CAMK2G: variants seen among roughly 807,000 people sequenced by gnomAD.
The protein encoded by CAMK2G is calcium/calmodulin-dependent protein kinase type II subunit gamma.
CAMK2G carries 23 observed loss-of-function variants against 88.7 expected under a neutral mutation model. That is an observed-to-expected ratio of 0.26 (90% CI 0.19 to 0.37). The LOEUF is 0.37. Ranked by LOEUF, CAMK2G falls within the 10% of genes least tolerant of loss-of-function variation. CAMK2G has a pLI of 1.00. For synonymous variants in CAMK2G, 263 were observed against 294.8 expected, an observed-to-expected ratio of 0.89 and a Z score of 1.11; for missense variants, 476 against 780.8, an observed-to-expected ratio of 0.61 and a Z score of 4.65.
In CAMK2G at chr10:73,848,258, C is replaced by T. The variant is rs1236056409; in HGVS notation, c.602-176G>A. Among the ~76,000 whole-genome samples, 2 of 152,206 alleles carry T rather than the reference C, an allele frequency of 1.3e-5. No individual in the cohort carries two copies. Among genetic ancestry groups the T allele is most frequent in the African/African-American group, 4.8e-5 (2 of 41,450 alleles). The stretch of plus-strand genomic sequence containing the variant: ...CCCTCCTGCTATGCCTCACACTTCA[C>T]GTCACCAAGTCACACCAGGGATTTC... On this transcript the variant is annotated intron_variant, in intron 8 of 22. Coordinates refer to ENST00000423381, the MANE Select transcript of CAMK2G (RefSeq NM_001367534.1). This position sits in a 1 kb window ranked among gnomAD's most constrained non-coding sequence, Gnocchi z 4.5.
intron 1 of CAMK2G, among the ~76,000 whole-genome samples, chr10:73,873,683 C>T (rs1028543862): frequency 2.1e-5 from 3 of 144,898 alleles, no homozygotes; most frequent in African/African-American, 2.6e-5. Context: ...CCTTGACGTC[C>T]CCGTCAAACG....
intron 19 of CAMK2G, chr10:73,817,779 T>C: frequency 1.8e-6 from 1 of 567,444 alleles, no homozygotes; most frequent in Non-Finnish European, 3.2e-6. Context: ...CAGCCATTAG[T>C]TATGGTTCTT....
At chr10:73,855,546 C>CA (rs1231617642) in intron 3 of CAMK2G, among the ~76,000 whole-genome samples, 1 of 152,074 alleles carries the variant, frequency 6.6e-6, no homozygotes, top group Non-Finnish European at 1.5e-5. Flanking sequence ...CCATGCCCCA[C>CA]ACCACCCTGC....
intron 12 of CAMK2G, among the ~76,000 whole-genome samples, chr10:73,840,769 A>C (rs1196377685): frequency 6.6e-6 from 1 of 152,214 alleles, no homozygotes; most frequent in Non-Finnish European, 1.5e-5. Context: ...CATTTCTTCA[A>C]CTCAGAGGGG....
intron 2 of CAMK2G, among the ~76,000 whole-genome samples, chr10:73,871,742 G>A (rs151225552): frequency 8.8e-4 from 134 of 152,084 alleles, no homozygotes; most frequent in Non-Finnish European, 1.7e-3. Flanking sequence ...CAATGTACAC[G>A]AACAGCAAGA....
chr10:73,815,367 C>CCG (rs2085051274), intron 21 of CAMK2G, 120 bp from the exon 22 acceptor site: 5 of 672,516 alleles, frequency 7.4e-6, no homozygotes, highest in Middle Eastern at 3.2e-4. Context: ...TCTCCAAGTA[C>CCG]CGCCCCCCCC....
chr10:73,816,325 A>C, intron 21 of CAMK2G: 1 of 993,408 alleles, frequency 1.0e-6, no homozygotes. Flanking sequence ...TGGTTTGCAC[A>C]TTCTTATCCT....
chr10:73,819,657 G>T lies in CAMK2G; in HGVS notation c.1250-12C>A. On this transcript the variant is annotated splice_polypyrimidine_tract_variant and intron_variant, in intron 18 of 22. Transcript: ENST00000423381. ...GCGGAGCGGGGCAGCTAGCCAGCCA[G>T]GGCAGGGCAGGGCAGGGCAAGGCAG... 1 of 1,442,448 alleles carries T rather than the reference G, an allele frequency of 6.9e-7. No individual in the cohort carries two copies. Among genetic ancestry groups the T allele is most frequent in the Non-Finnish European group, 9.4e-7 (1 of 1,065,020 alleles). 89.4% of individuals were successfully genotyped at this position (1,442,448 alleles called of 1,614,324 possible).
chr10:73,816,523 T>C lies in CAMK2G; in HGVS notation c.1534+500A>G, dbSNP rs903418052. On this transcript the variant is annotated intron_variant, in intron 21 of 22. Transcript: ENST00000423381. ...TTGCCCAGGCTGGAGTGCAGTGGCCTGATCTTGGCTCACTGCAAGCTCTGC... is the reference window on the plus strand; with the variant it reads ...TTGCCCAGGCTGGAGTGCAGTGGCCCGATCTTGGCTCACTGCAAGCTCTGC... 4 of 845,576 alleles carry C rather than the reference T, an allele frequency of 4.7e-6. No individual in the cohort carries two copies. The African/African-American group carries it at 7.2e-5, about 15-fold the overall frequency. The allele number at this position is 845,576 out of a possible 1,614,324, so 52.4% of individuals were successfully genotyped here.
intron 2 of CAMK2G, among the ~76,000 whole-genome samples, chr10:73,865,758 G>A (rs925071573): frequency 6.6e-6 from 1 of 152,140 alleles, no homozygotes; most frequent in Non-Finnish European, 1.5e-5. Context: ...CTGCAAAGGT[G>A]TCTCCCCTTG....
At chr10:73,856,140 G>A (rs985709385) in intron 3 of CAMK2G, among the ~76,000 whole-genome samples, 1 of 152,106 alleles carries the variant, frequency 6.6e-6, no homozygotes, top group Non-Finnish European at 1.5e-5. Context: ...TGCCGGCATC[G>A]TTCCATGGGC....
At chr10:73,866,465 T>TA (rs34839580) in intron 2 of CAMK2G, among the ~76,000 whole-genome samples, 208 of 146,790 alleles carry the variant, frequency 1.4e-3, no homozygotes, top group South Asian at 9.5e-3. Flanking sequence ...GACATTTTCC[T>TA]AAAAAAAAAA....
intron 15 of CAMK2G, 85 bp from the exon 16 acceptor site, chr10:73,825,432 G>T: frequency 9.5e-7 from 1 of 1,051,832 alleles, no homozygotes; most frequent in Non-Finnish European, 1.5e-6. Flanking sequence ...TTGCCCCCTG[G>T]TCTGGCCTGG....
At chr10:73,825,471 A>C in intron 15 of CAMK2G, 124 bp from the exon 16 acceptor site, 1 of 732,618 alleles carries the variant, frequency 1.4e-6, no homozygotes, top group Non-Finnish European at 2.5e-6. Context: ...GGCCTCCATA[A>C]CGCTGTGTAG....
At chr10:73,816,714 C>T (rs954817388) in intron 21 of CAMK2G, 3 of 1,252,940 alleles carry the variant, frequency 2.4e-6, no homozygotes, top group African/African-American at 3.0e-5. Context: ...CAGCCTCAGC[C>T]TCCCAAAGTG....
chr10:73,871,145 C>T (rs527264965), intron 2 of CAMK2G, among the ~76,000 whole-genome samples: 52 of 151,076 alleles, frequency 3.4e-4, no homozygotes, highest in Non-Finnish European at 5.4e-4. Context: ...TACTTTTACA[C>T]AAGAATCCTC....
chr10:73,854,802 C>T (rs2094904805), intron 3 of CAMK2G, among the ~76,000 whole-genome samples: 1 of 152,142 alleles, frequency 6.6e-6, no homozygotes, highest in African/African-American at 2.4e-5. Flanking sequence ...CCCTTGTTCT[C>T]CTCCCTTGAT....
intron 10 of CAMK2G, among the ~76,000 whole-genome samples, chr10:73,843,870 A>T (rs1403457962): frequency 6.6e-6 from 1 of 152,104 alleles, no homozygotes; most frequent in East Asian, 1.9e-4. Context: ...CTTTCAGCTC[A>T]GACTTCCACT....
intron 12 of CAMK2G, among the ~76,000 whole-genome samples, chr10:73,840,258 A>G (rs12573092): frequency 0.18 from 27,012 of 152,088 alleles, 2,510 homozygotes; most frequent in South Asian, 0.23. Flanking sequence ...CAAGAAATAA[A>G]CCCTGAGAAA....
Sources: allele counts gnomAD v4.1 joint callset (sites outside exome capture counted in the v4.1 genomes callset), GRCh38; gene constraint gnomAD v4.1.1; non-coding constraint Gnocchi (gnomAD v3.1); transcripts MANE v1.5; gene names NCBI Gene and HGNC (gene_info 2026-07-23, HGNC 2026-07-21).